Variants in PHKA1 observed in about 807,000 individuals in gnomAD.
PHKA1 encodes phosphorylase kinase regulatory subunit alpha 1.
Under a neutral mutation model 110.2 loss-of-function variants are expected in PHKA1, and 60 were observed. The ratio of observed to expected loss-of-function variants is 0.54; its 90% CI spans 0.44 to 0.68. The LOEUF (loss-of-function observed/expected upper bound fraction) is 0.68, where lower values mean the gene tolerates loss of function less well. Ranked by LOEUF, PHKA1 falls within the 30% of genes least tolerant of loss-of-function variation. PHKA1 has a pLI of 0.00. For missense variants in PHKA1, 801 were observed against 942.5 expected (o/e 0.85, Z 1.97); for synonymous variants, 316 against 333.6 (o/e 0.95, Z 0.58).
chrX:72,681,807 G>C (rs2053883518), intron 5 of PHKA1, among the ~76,000 whole-genome samples: 1 of 37,155 alleles, frequency 2.7e-5, no homozygotes, highest in Admixed American at 3.3e-4. Context: ...GAAGTGAGGA[G>C]CCCCTCTGCC....
intron 8 of PHKA1, among the ~76,000 whole-genome samples, chrX:72,658,806 A>G (rs1320674968): frequency 8.9e-6 from 1 of 112,425 alleles, no homozygotes; most frequent in Admixed American, 9.4e-5. Flanking sequence ...GAGAGAGTAC[A>G]TGATGTCAAT....
At chrX:72,686,230 G>GA (rs35244850) in intron 4 of PHKA1, among the ~76,000 whole-genome samples, 1 of 111,598 alleles carries the variant, frequency 9.0e-6, no homozygotes, top group Admixed American at 9.5e-5. Context: ...ACTCTTTCAT[G>GA]AAAAAAATCA....
chrX:72,583,514 G>T (rs1452171857), intron 30 of PHKA1, among the ~76,000 whole-genome samples: 2 of 111,655 alleles, frequency 1.8e-5, no homozygotes, highest in African/African-American at 6.5e-5. Flanking sequence ...GTGAAGCCCT[G>T]AAGCATAACA....
chrX:72,636,962 A>G lies in PHKA1; in HGVS notation c.1460-576T>C, dbSNP rs190760207. On this transcript the variant is annotated intron_variant, in intron 14 of 31. Transcript: ENST00000373542. ...AAGCCTTGGTCATATTCCAGGGTCC[A>G]TGCAGTAAAGCACACATTTTACCTG... is the stretch of plus-strand genomic sequence containing the variant. Among the ~76,000 whole-genome samples the G allele has an allele frequency of 4.5e-3, 505 of 112,065 alleles. 3 individuals are homozygous for G. Among genetic ancestry groups the G allele is most frequent in the African/African-American group, 0.015 (476 of 30,815 alleles).
intron 6 of PHKA1, among the ~76,000 whole-genome samples, chrX:72,675,206 TAATAAATAAATA>T (rs782156045): frequency 1.9e-5 from 2 of 104,128 alleles, no homozygotes; most frequent in Admixed American, 1.0e-4. Flanking sequence ...ATAATAATAA[TAATAAATAAATA>T]AATAAATAAA....
chrX:72,635,751 T>C, intron 15 of PHKA1, among the ~76,000 whole-genome samples: 2 of 111,657 alleles, frequency 1.8e-5, no homozygotes, highest in Non-Finnish European at 3.8e-5. Flanking sequence ...TTCCAGAAAA[T>C]AGTTTCTCCT....
chrX:72,654,077 T>TAGTC (rs59737350), intron 10 of PHKA1, among the ~76,000 whole-genome samples: 2,740 of 98,158 alleles, frequency 0.028, 83 homozygotes, highest in African/African-American at 0.085. Flanking sequence ...AAAAAAAAAA[T>TAGTC]AGTTCTGCTA....
chrX:72,704,122 A>G (rs1417201268), intron 3 of PHKA1, among the ~76,000 whole-genome samples: 1 of 112,245 alleles, frequency 8.9e-6, no homozygotes, highest in African/African-American at 3.2e-5. Context: ...TTAGCAGACA[A>G]TTCATCCATG....
intron 15 of PHKA1, among the ~76,000 whole-genome samples, chrX:72,636,058 A>G (rs1475703756): frequency 8.9e-6 from 1 of 111,937 alleles, no homozygotes; most frequent in Non-Finnish European, 1.9e-5. Flanking sequence ...TAGTTTCTGC[A>G]ATACCCAGGG....
chrX:72,588,360 G>A (rs192932861), intron 29 of PHKA1, among the ~76,000 whole-genome samples: 8,388 of 111,571 alleles, frequency 0.075, 861 homozygotes, highest in East Asian at 0.67. Context: ...CGGCAGAAAT[G>A]AAGGTGTTCT....
chrX:72,649,736 G>A (rs1054550387), intron 13 of PHKA1, among the ~76,000 whole-genome samples: 1 of 111,337 alleles, frequency 9.0e-6, no homozygotes, highest in Non-Finnish European at 1.9e-5. Context: ...GCTCGCGCCT[G>A]TAATCCCAGT....
intron 6 of PHKA1, among the ~76,000 whole-genome samples, chrX:72,674,883 G>C (rs1285676175): frequency 5.4e-5 from 6 of 111,358 alleles, no homozygotes; most frequent in African/African-American, 2.0e-4. Flanking sequence ...ATGTTGTTCA[G>C]TGCACTATGA....
intron 8 of PHKA1, 120 bp from the exon 9 acceptor site, chrX:72,657,761 T>G: frequency 3.7e-6 from 2 of 534,249 alleles, no homozygotes. Context: ...AAAGGCATAA[T>G]GCTTAAAACC....
At chrX:72,594,320 GAAATA>G (rs1190080157) in intron 28 of PHKA1, among the ~76,000 whole-genome samples, 1 of 109,380 alleles carries the variant, frequency 9.1e-6, no homozygotes, top group Non-Finnish European at 1.9e-5. Context: ...GGAAAGAAAT[GAAATA>G]GAGACTAGAA....
intron 29 of PHKA1, 149 bp from the exon 30 acceptor site, chrX:72,584,451 T>C (rs2052384842): frequency 1.8e-6 from 1 of 563,860 alleles, no homozygotes; most frequent in African/African-American, 2.2e-5. Flanking sequence ...GGCTCTGCAG[T>C]CCAAGTGCCC....
At chrX:72,658,600 T>G (rs1254780966) in intron 8 of PHKA1, among the ~76,000 whole-genome samples, 1 of 111,868 alleles carries the variant, frequency 8.9e-6, no homozygotes, top group Admixed American at 9.5e-5. Flanking sequence ...GTCTCCTTAG[T>G]GTCCTCCAAT....
Position 72,580,570 on chromosome X carries a change from G to C in PHKA1, c.*432C>G, listed in dbSNP as rs926678412. On this transcript the variant is annotated 3_prime_UTR_variant, in exon 32 of 32. Coordinates refer to ENST00000373542, the MANE Select transcript of PHKA1 (RefSeq NM_002637.4). ...TTAGAGTTTACTCATTTGAAATAAT[G>C]TCCCAAAGTACCCACCACTCATATA... is the stretch of plus-strand genomic sequence containing the variant. 1 of 136,615 alleles carries C rather than the reference G, an allele frequency of 7.3e-6. No homozygotes were observed. Among genetic ancestry groups the C allele is most frequent in the Non-Finnish European group, 1.4e-5 (1 of 68,972 alleles). 11.3% of individuals were successfully genotyped at this position (136,615 alleles called of 1,213,427 possible).
intron 3 of PHKA1, among the ~76,000 whole-genome samples, chrX:72,702,396 G>A (rs1441621572): frequency 2.7e-5 from 3 of 109,721 alleles, no homozygotes; most frequent in African/African-American, 1.0e-4. Flanking sequence ...GTTGCAGTGA[G>A]CCGAGATCAC....
chrX:72,653,608 G>C, intron 10 of PHKA1, 78 bp from the exon 11 acceptor site: 1 of 636,902 alleles, frequency 1.6e-6, no homozygotes, highest in Admixed American at 2.6e-5. Flanking sequence ...TGCAGCCAAA[G>C]AAGGTCCTAT....
Sources: allele counts gnomAD v4.1 joint callset (sites outside exome capture counted in the v4.1 genomes callset), GRCh38; gene constraint gnomAD v4.1.1; transcripts MANE v1.5; gene names NCBI Gene and HGNC (gene_info 2026-07-23, HGNC 2026-07-21).